GLI3: variants seen among roughly 807,000 people sequenced by gnomAD.
GLI3 encodes GLI family zinc finger 3.
In GLI3, 20 loss-of-function variants were observed where a neutral mutation model predicts 100.8. The ratio of observed to expected loss-of-function variants is 0.20; its 90% CI spans 0.14 to 0.29. GLI3 has a LOEUF of 0.29. Ranked by LOEUF, GLI3 falls within the 10% of genes least tolerant of loss-of-function variation. The pLI, the probability that GLI3 is intolerant of heterozygous loss-of-function variation, is 1.00. For synonymous variants in GLI3, 938 were observed against 860.5 expected, an observed-to-expected ratio of 1.09 and a Z score of -1.58; for missense variants, 2,040 against 2,128.5, an observed-to-expected ratio of 0.96 and a Z score of 0.82.
intron 4 of GLI3, among the ~76,000 whole-genome samples, chr7:42,065,123 C>G (rs1784648718): frequency 6.6e-6 from 1 of 151,534 alleles, no homozygotes; most frequent in Admixed American, 6.6e-5. Context: ...TGTGTTCAAT[C>G]ATTCCTGACA....
At chr7:42,173,399 C>A (rs541642937) in intron 2 of GLI3, among the ~76,000 whole-genome samples, 1 of 152,230 alleles carries the variant, frequency 6.6e-6, no homozygotes, top group African/African-American at 2.4e-5. Flanking sequence ...TCAGTCTTTG[C>A]AATAAAACTA....
chr7:42,179,013 A>G (rs1583625118), intron 2 of GLI3, among the ~76,000 whole-genome samples: 1 of 152,124 alleles, frequency 6.6e-6, no homozygotes, highest in Non-Finnish European at 1.5e-5. Context: ...ATGGCTGGTG[A>G]TATGGTTTGG....
chr7:42,014,024 A>G (rs961437792), intron 10 of GLI3, among the ~76,000 whole-genome samples: 5 of 152,124 alleles, frequency 3.3e-5, no homozygotes, highest in African/African-American at 1.2e-4. Flanking sequence ...ACATCTCCAA[A>G]CTATCCTCCC....
chr7:42,234,101 A>G (rs1049619632), intron 1 of GLI3, among the ~76,000 whole-genome samples: 3 of 152,248 alleles, frequency 2.0e-5, no homozygotes, highest in African/African-American at 7.2e-5. Flanking sequence ...ATAATCTACT[A>G]TAGTCTAAAA....
intron 4 of GLI3, among the ~76,000 whole-genome samples, chr7:42,073,799 T>G (rs368283108): frequency 6.6e-6 from 1 of 152,348 alleles, no homozygotes; most frequent in African/African-American, 2.4e-5. Context: ...AAATTTTGTC[T>G]TCTTAGAATT....
chr7:42,076,769 C>T lies in GLI3; in HGVS notation c.456G>A (p.Pro152=), dbSNP rs758972863. The change falls in exon 4 of 15, where the codon CCG becomes CCA. Residue 152 remains proline, a synonymous_variant. Coordinates refer to ENST00000395925, the MANE Select transcript of GLI3 (RefSeq NM_000168.6). ...HEGRYHYDPS[P]IPPLHMTSAL... ...ATACTTACATATGCAATGGAGGAAT[C>T]GGAGATGGATCGTAATGGTAACGGC... The T allele has an allele frequency of 1.0e-5, 16 of 1,596,058 alleles. No homozygotes were observed. Among genetic ancestry groups the T allele is most frequent in the Middle Eastern group, 1.7e-4 (1 of 6,050 alleles).
chr7:42,256,002 A>C (rs1052796549), intron 1 of GLI3, among the ~76,000 whole-genome samples: 4 of 152,152 alleles, frequency 2.6e-5, no homozygotes, highest in African/African-American at 9.7e-5. Context: ...TAGTTATTCT[A>C]GTCAGTGTGT....
Position 41,988,474 on chromosome 7 carries a change from AGGG to A in GLI3, c.1498-9729_1498-9727del, listed in dbSNP as rs35807999. Among the ~76,000 whole-genome samples the A allele has an allele frequency of 5.2e-4, 43 of 82,554 alleles. 1 individual carries two copies. The highest frequency in any genetic ancestry group is 2.1e-3 in the East Asian group (7 of 3,282). The allele number at this position is 82,554 out of a possible 152,430, so 54.2% of individuals were successfully genotyped here. A position where few individuals can be genotyped will look rare whatever the true frequency, so the allele number is the denominator to read the frequency against. ...ATGAAACTCCATCTCAAAAAAAAAA[AGGG>A]GGGGGGGGTGGGGCCTTAAGGAGGT... is the stretch of plus-strand genomic sequence containing the variant. On this transcript the variant is annotated intron_variant, in intron 10 of 14. Coordinates refer to ENST00000395925, the MANE Select transcript of GLI3 (RefSeq NM_000168.6).
rs768735366 is a variant in GLI3, at chr7:41,964,777, C to G, written c.4296G>C (p.Leu1432=). The change falls in exon 15 of 15, where the codon CTG becomes CTC. Residue 1432 remains leucine (L), a synonymous_variant. Coordinates refer to ENST00000395925, the MANE Select transcript of GLI3 (RefSeq NM_000168.6). ...KMEMKGQPHP[L]CSNLQNYSGQ... ...CAGAGTAATTCTGCAGATTAGAGCA[C>G]AGCGGATGGGGCTGCCCTTTCATCT... 1 of 1,613,848 alleles carries G rather than the reference C, an allele frequency of 6.2e-7. No homozygotes were observed. Among genetic ancestry groups the G allele is most frequent in the African/African-American group, 1.3e-5 (1 of 74,936 alleles).
At chr7:41,970,003 A>G (rs1787324536) in intron 13 of GLI3, among the ~76,000 whole-genome samples, 1 of 152,180 alleles carries the variant, frequency 6.6e-6, no homozygotes. Flanking sequence ...AATGTTGAAA[A>G]CACATTGCTT....
Position 41,963,359 on chromosome 7 carries a change from GGAAA to G in GLI3, c.*967_*970del, listed in dbSNP as rs1463992710. The G allele has an allele frequency of 1.3e-5, 2 of 152,132 alleles. No individual in the cohort carries two copies. The highest frequency in any genetic ancestry group is 1.5e-5 in the Non-Finnish European group (1 of 68,018). The allele number at this position is 152,132 out of a possible 1,614,324, so 9.4% of individuals were successfully genotyped here. On this transcript the variant is annotated 3_prime_UTR_variant, in exon 15 of 15. Transcript: ENST00000395925. ...ATATAATCAATTCTCAGTTAAAATG[GGAAA>G]GAGATGGAACTAATCAACAAACACA...
intron 1 of GLI3, among the ~76,000 whole-genome samples, chr7:42,249,788 C>G (rs1311756729): frequency 1.4e-5 from 2 of 145,720 alleles, no homozygotes; most frequent in Non-Finnish European, 3.0e-5. Flanking sequence ...CACACACACA[C>G]TTTTTGCTTT....
intron 10 of GLI3, among the ~76,000 whole-genome samples, chr7:42,017,458 C>T (rs552345673): frequency 1.3e-5 from 2 of 152,214 alleles, no homozygotes; most frequent in African/African-American, 4.8e-5. Flanking sequence ...GGGCAGTCAC[C>T]CATAACTGTT....
intron 3 of GLI3, among the ~76,000 whole-genome samples, chr7:42,124,690 T>A (rs1339390187): frequency 6.6e-6 from 1 of 152,218 alleles, no homozygotes; most frequent in Admixed American, 6.5e-5. Context: ...TTGAGAGATT[T>A]TAAATGACAG....
intron 3 of GLI3, among the ~76,000 whole-genome samples, chr7:42,077,795 A>G (rs1474047392): frequency 6.6e-6 from 1 of 152,224 alleles, no homozygotes; most frequent in Non-Finnish European, 1.5e-5. Context: ...TATACTTAGA[A>G]GCATGACTGA....
rs570923963 is a variant in GLI3, at chr7:42,159,471, C to T, written c.125-11003G>A. Among the ~76,000 whole-genome samples, 5 of 152,278 alleles carry T rather than the reference C, an allele frequency of 3.3e-5. No individual in the cohort carries two copies. In the South Asian group the frequency reaches 6.2e-4, roughly 19 times the overall value. On this transcript the variant is annotated intron_variant, in intron 2 of 14. Transcript: ENST00000395925. Reference sequence around the variant, plus strand: ...CAGAATCATACAACACAGAGACATTCTCCCTTCCCAACTAAAGATGATTAT... The same window carrying T: ...CAGAATCATACAACACAGAGACATTTTCCCTTCCCAACTAAAGATGATTAT...
intron 3 of GLI3, among the ~76,000 whole-genome samples, chr7:42,085,362 A>C (rs982009450): frequency 2.0e-5 from 3 of 152,214 alleles, no homozygotes; most frequent in African/African-American, 7.2e-5. Flanking sequence ...TAGCAGAAGC[A>C]GGTAGGGAAA....
chr7:42,079,254 C>A (rs981973883), intron 3 of GLI3, among the ~76,000 whole-genome samples: 1 of 152,082 alleles, frequency 6.6e-6, no homozygotes, highest in East Asian at 1.9e-4. Flanking sequence ...TAAAAGCCAC[C>A]CTCTGTAGAG....
At chr7:41,967,551 GA>G (rs556257772) in intron 14 of GLI3, 44 bp downstream of exon 14, 326 of 1,377,494 alleles carry the variant, frequency 2.4e-4, no homozygotes, top group African/African-American at 2.1e-3. Context: ...TAAAAGAACA[GA>G]AAAAAAAACC....
Sources: allele counts gnomAD v4.1 joint callset (sites outside exome capture counted in the v4.1 genomes callset), GRCh38; gene constraint gnomAD v4.1.1; transcripts MANE v1.5; gene names NCBI Gene and HGNC (gene_info 2026-07-23, HGNC 2026-07-21).